Variants in HDAC9 observed in about 807,000 individuals in gnomAD.
HDAC9 encodes MEF-2 interacting transcription repressor (MITR) protein.
A neutral mutation model predicts 139.4 loss-of-function variants in HDAC9; 41 were observed. That is an observed-to-expected ratio of 0.29 (90% CI 0.23 to 0.38). The LOEUF (loss-of-function observed/expected upper bound fraction) is 0.38, where lower values mean the gene tolerates loss of function less well. Ranked by LOEUF, HDAC9 falls within the 10% of genes least tolerant of loss-of-function variation. The pLI is 1.00. For synonymous variants in HDAC9, 517 were observed against 476.2 expected, an observed-to-expected ratio of 1.09 and a Z score of -1.12; for missense variants, 1,147 against 1,297.0, an observed-to-expected ratio of 0.88 and a Z score of 1.78.
At chr7:18,835,358 A>G in intron 19 of HDAC9, 109 bp from the exon 20 acceptor site, 1 of 1,213,202 alleles carries the variant, frequency 8.2e-7, no homozygotes, top group Non-Finnish European at 1.1e-6. Context: ...GAGAAGACAG[A>G]AAATGAGAAA....
intron 16 of HDAC9, among the ~76,000 whole-genome samples, chr7:18,783,988 G>T (rs952290471): frequency 6.6e-6 from 1 of 151,970 alleles, no homozygotes; most frequent in African/African-American, 2.4e-5. Context: ...TCCAACCAGA[G>T]AACCTGTCCC....
intron 2 of HDAC9, among the ~76,000 whole-genome samples, chr7:18,569,360 T>G (rs901551396): frequency 6.6e-6 from 1 of 152,230 alleles, no homozygotes; most frequent in Non-Finnish European, 1.5e-5. Flanking sequence ...CAATCATTCT[T>G]AGGTTGCAGG....
intron 22 of HDAC9, among the ~76,000 whole-genome samples, chr7:18,921,021 G>A (rs868736942): frequency 3.3e-5 from 5 of 152,020 alleles, no homozygotes; most frequent in Admixed American, 6.6e-5. Flanking sequence ...GGGAAAACTG[G>A]CTAGCCATAT....
At chr7:18,594,634 G>A (rs1031811667) in intron 6 of HDAC9, among the ~76,000 whole-genome samples, 1 of 151,972 alleles carries the variant, frequency 6.6e-6, no homozygotes, top group African/African-American at 2.4e-5. Flanking sequence ...TTAGTAAACA[G>A]TTCTGTGGCT....
At chr7:18,929,949 A>AAAAG (rs71017013) in intron 22 of HDAC9, among the ~76,000 whole-genome samples, 22 of 151,710 alleles carry the variant, frequency 1.5e-4, no homozygotes, top group South Asian at 6.2e-4. Flanking sequence ...AAAAAAAAAA[A>AAAAG]TATCTGAAAC....
chr7:18,604,445 C>T (rs181185715), intron 6 of HDAC9, among the ~76,000 whole-genome samples: 5 of 150,996 alleles, frequency 3.3e-5, no homozygotes, highest in Admixed American at 2.0e-4. Context: ...CTTGCTCTGT[C>T]GCCCAGGCTG....
At chr7:18,255,138 G>T (rs1283169050) in intron 2 of HDAC9, among the ~76,000 whole-genome samples, 1 of 152,232 alleles carries the variant, frequency 6.6e-6, no homozygotes, top group Non-Finnish European at 1.5e-5. Context: ...AGACTAAGTT[G>T]TTGTTGGTAG....
chr7:18,546,136 A>G (rs1447435994), intron 2 of HDAC9, among the ~76,000 whole-genome samples: 3 of 152,222 alleles, frequency 2.0e-5, no homozygotes, highest in East Asian at 1.9e-4. Flanking sequence ...GCCAAGCACT[A>G]CATGCCCTAG....
intron 24 of HDAC9, among the ~76,000 whole-genome samples, chr7:18,954,925 G>A (rs748388680): frequency 3.9e-5 from 6 of 152,056 alleles, no homozygotes; most frequent in Non-Finnish European, 7.4e-5. Context: ...TTGGGTCATT[G>A]CCTTTGCTTG....
At chr7:18,905,883 TC>T (rs1802195251) in intron 22 of HDAC9, among the ~76,000 whole-genome samples, 1 of 152,094 alleles carries the variant, frequency 6.6e-6, no homozygotes, top group African/African-American at 2.4e-5. Flanking sequence ...TTCTTTTCCT[TC>T]TTTCCTTTCT....
chr7:18,722,534 A>T (rs1294780278), intron 12 of HDAC9, among the ~76,000 whole-genome samples: 1 of 152,192 alleles, frequency 6.6e-6, no homozygotes, highest in Non-Finnish European at 1.5e-5. Context: ...ATGGTAAAAA[A>T]ACTGGCTTAG....
At chr7:18,339,717 G>C (rs1213631873) in intron 1 of HDAC9, among the ~76,000 whole-genome samples, 2 of 151,308 alleles carry the variant, frequency 1.3e-5, no homozygotes, top group Admixed American at 1.3e-4. Context: ...TTCTGTAAGT[G>C]ATTTCTAATT....
intron 1 of HDAC9, among the ~76,000 whole-genome samples, chr7:18,448,407 GA>G (rs1187115147): frequency 6.6e-6 from 1 of 152,016 alleles, no homozygotes; most frequent in African/African-American, 2.4e-5. Flanking sequence ...AGCATTAAAA[GA>G]AAAAATATCA....
At chr7:18,422,746 A>ACACACG (rs1045326154) in intron 1 of HDAC9, among the ~76,000 whole-genome samples, 1 of 14,946 alleles carries the variant, frequency 6.7e-5, no homozygotes, top group African/African-American at 8.7e-5. Context: ...ACACACGCGC[A>ACACACG]CACACACACA....
chr7:18,780,677 G>T (rs1791173890), intron 16 of HDAC9, among the ~76,000 whole-genome samples: 1 of 152,038 alleles, frequency 6.6e-6, no homozygotes, highest in South Asian at 2.1e-4. Context: ...TTGGAGTTTA[G>T]ATAGTTTAGC....
At chr7:18,748,233 A>T (rs536520039) in intron 13 of HDAC9, among the ~76,000 whole-genome samples, 1 of 152,312 alleles carries the variant, frequency 6.6e-6, no homozygotes, top group South Asian at 2.1e-4. Flanking sequence ...TCATGTTATT[A>T]TACAGTCTTT....
rs181170929 is a variant in HDAC9 at position 18,512,562 on chromosome 7, A to G, written c.22+16238A>G. 1.2e-4 allele frequency among the ~76,000 whole-genome samples: 19 copies of G among 152,322 alleles called. No individual in the cohort carries two copies. The East Asian group carries it at 3.3e-3, about 26-fold the overall frequency. ...TATTTATTCCCAAATTAATCTACAT[A>G]TCTCTTTGTTTTTAAAACAGTTTTT... On this transcript the variant is annotated intron_variant, in intron 2 of 25. Coordinates refer to ENST00000686413, the MANE Select transcript of HDAC9 (RefSeq NM_178425.4).
intron 6 of HDAC9, among the ~76,000 whole-genome samples, chr7:18,623,761 G>A (rs1371651502): frequency 2.6e-5 from 4 of 152,170 alleles, no homozygotes; most frequent in South Asian, 2.1e-4. Flanking sequence ...TGCCAACATG[G>A]TGAAACCCTG....
chr7:18,563,731 C>G (rs567056471), intron 2 of HDAC9, among the ~76,000 whole-genome samples: 7 of 151,876 alleles, frequency 4.6e-5, no homozygotes, highest in South Asian at 2.1e-4. Flanking sequence ...CCCAACCCCC[C>G]CCATGAACTT....
Sources: gnomAD v4.1 joint callset for allele counts (sites outside exome capture counted in the v4.1 genomes callset) on GRCh38, gnomAD v4.1.1 for gene constraint, MANE v1.5 for transcripts, NCBI Gene and HGNC (gene_info 2026-07-23, HGNC 2026-07-21) for gene names.